LEO1: variants seen among roughly 807,000 people sequenced by gnomAD.
The protein encoded by LEO1 is RNA polymerase-associated protein LEO1.
LEO1 carries 34 observed loss-of-function variants against 80.4 expected under a neutral mutation model. The observed-to-expected ratio is 0.42, with a 90% CI of 0.32 to 0.56. LEO1 has a LOEUF of 0.56. LEO1 is among the 20% of genes least tolerant of loss of function. The pLI is 0.10. For missense variants in LEO1, 631 were observed against 814.2 expected (o/e 0.77, Z 2.74); for synonymous variants, 262 against 274.9 (o/e 0.95, Z 0.46).
chr15:51,967,399 G>A (rs117851038), intron 1 of LEO1, among the ~76,000 whole-genome samples: 3,604 of 152,224 alleles, frequency 0.024, 63 homozygotes, highest in Non-Finnish European at 0.038. Context: ...CTTGGATCCA[G>A]GAGGTGGAGG....
Position 51,962,119 on chromosome 15 carries a change from C to T in LEO1, c.919+270G>A, listed in dbSNP as rs546096212. On this transcript the variant is annotated intron_variant, in intron 3 of 11. Coordinates refer to ENST00000299601, the MANE Select transcript of LEO1 (RefSeq NM_138792.4). Reference sequence around the variant, plus strand: ...CAGCAGTTGCAATAAGCTGAGCTTGCACCACTGCACTCCAGCGTGGGTGAC... The same window carrying T: ...CAGCAGTTGCAATAAGCTGAGCTTGTACCACTGCACTCCAGCGTGGGTGAC... 6.0e-5 allele frequency among the ~76,000 whole-genome samples: 9 copies of T among 151,186 alleles called. No individual in the cohort carries two copies. In the South Asian group the frequency reaches 1.9e-3, roughly 32 times the overall value.
intron 6 of LEO1, among the ~76,000 whole-genome samples, chr15:51,956,380 A>G (rs898952140): frequency 3.7e-4 from 54 of 145,448 alleles, no homozygotes; most frequent in African/African-American, 1.3e-3. Flanking sequence ...AGATTGCGCC[A>G]CTGCATTCCA....
At chr15:51,947,420 C>CTTT (rs745399155) in intron 10 of LEO1, 31 bp from the exon 11 acceptor site, 8 of 1,191,064 alleles carry the variant, frequency 6.7e-6, no homozygotes, top group East Asian at 2.9e-5. Context: ...TGTGAGTCAC[C>CTTT]TTTTTTTTTT....
In LEO1 at chr15:51,971,692, A is replaced by T. The variant is rs758429948; in HGVS notation, c.54T>A (p.Arg18=). ...FGSDADSEAE[R]KDSDSGSDSD... Reference sequence around the variant, plus strand: ...TCCGAAGACCAGCGAACCCACCTTTACGCTCAGCTTCGCTGTCGGCGTCGC... The same window carrying T: ...TCCGAAGACCAGCGAACCCACCTTTTCGCTCAGCTTCGCTGTCGGCGTCGC... The change falls in exon 1 of 12, where the codon CGT becomes CGA. Residue 18 remains arginine (R), a synonymous_variant. Coordinates refer to ENST00000299601, the MANE Select transcript of LEO1 (RefSeq NM_138792.4). The T allele has an allele frequency of 1.2e-6, 2 of 1,613,960 alleles. No homozygotes were observed. Among genetic ancestry groups the T allele is most frequent in the East Asian group, 4.5e-5 (2 of 44,854 alleles).
intron 11 of LEO1, among the ~76,000 whole-genome samples, chr15:51,944,975 A>G (rs1000983904): frequency 3.3e-5 from 5 of 152,142 alleles, no homozygotes; most frequent in Non-Finnish European, 7.4e-5. Context: ...ACCTTGATCT[A>G]TAGATACCTG....
chr15:51,964,165 C>T (rs999741091), intron 2 of LEO1, among the ~76,000 whole-genome samples: 1 of 151,338 alleles, frequency 6.6e-6, no homozygotes, highest in African/African-American at 2.4e-5. Context: ...GAGATCATGC[C>T]ACTACACTCC....
chr15:51,962,528 G>A (rs1566886703), intron 2 of LEO1, 35 bp from the exon 3 acceptor site: 1 of 1,429,888 alleles, frequency 7.0e-7, no homozygotes, highest in Non-Finnish European at 9.8e-7. Flanking sequence ...TGCATAATCA[G>A]TCGCATTAGT....
chr15:51,959,751 A>G (rs1480534702), intron 5 of LEO1, 148 bp downstream of exon 5: 5 of 630,996 alleles, frequency 7.9e-6, no homozygotes, highest in Non-Finnish European at 2.6e-6. Flanking sequence ...TATTTTTTCT[A>G]TCTCAGGATG....
In LEO1 at chr15:51,966,419, A is replaced by C; in HGVS notation, c.144T>G (p.Asp48Glu). ...TTGGTTGTCCTGAATCACCTCTTTCATCCTGATCACTTTCACTTCCAGAGG... is the reference window on the plus strand; with the variant it reads ...TTGGTTGTCCTGAATCACCTCTTTCCTCCTGATCACTTTCACTTCCAGAGG... ...SNASGSESDQ[D>E]ERGDSGQPSN... Residue 48 changes from aspartate (D) to glutamate (E), a missense_variant, in exon 2 of 12, where the codon GAT becomes GAG. Physicochemically the swap from Asp to Glu is conservative, Grantham distance 45 (BLOSUM62 2). Coordinates refer to ENST00000299601, the MANE Select transcript of LEO1 (RefSeq NM_138792.4). The C allele has an allele frequency of 6.2e-7, 1 of 1,614,112 alleles. No homozygotes were observed. Among genetic ancestry groups the C allele is most frequent in the Non-Finnish European group, 8.5e-7 (1 of 1,179,980 alleles).
rs756802450 is a variant in LEO1, at chr15:51,947,241, TG to T, written c.1896+50del. The T allele has an allele frequency of 1.6e-5, 19 of 1,190,884 alleles. No homozygotes were observed. In the East Asian group the frequency reaches 2.1e-4, roughly 13 times the overall value. The allele number at this position is 1,190,884 out of a possible 1,614,324, so 73.8% of individuals were successfully genotyped here. The stretch of plus-strand genomic sequence containing the variant: ...CTGTGAGCTCTTCATTCAAAGCAGT[TG>T]GCTCCTGAGTACAGGATAAACCCCT... On this transcript the variant is annotated intron_variant, in intron 11 of 11. Coordinates refer to ENST00000299601, the MANE Select transcript of LEO1 (RefSeq NM_138792.4).
intron 2 of LEO1, among the ~76,000 whole-genome samples, chr15:51,964,101 G>A (rs947392115): frequency 9.9e-5 from 15 of 151,864 alleles, no homozygotes; most frequent in African/African-American, 3.6e-4. Context: ...AGCTACTCGG[G>A]AGGCTGAGGC....
chr15:51,965,791 G>A lies in LEO1; in HGVS notation c.772C>T (p.His258Tyr). 6.2e-7 allele frequency: 1 copy of A among 1,612,958 alleles called. No homozygotes were observed. The highest frequency in any genetic ancestry group is 8.5e-7 in the Non-Finnish European group (1 of 1,179,690). The change falls in exon 2 of 12, where the codon CAC becomes TAC. Residue 258 changes from histidine (H) to tyrosine (Y), a missense_variant. By Grantham distance (83) the His-to-Tyr change is moderately conservative. Transcript: ENST00000299601. ...TCCTCTTCATCATCTGAATGCCTGT[G>A]TTCTTCATCTGAGGCCTGTGGCCTT... The part of the protein sequence containing the change: ...DERPQASDEE[H>Y]RHSDDEEEQD...
chr15:51,967,092 T>G (rs1225599601), intron 1 of LEO1, among the ~76,000 whole-genome samples: 1 of 152,100 alleles, frequency 6.6e-6, no homozygotes, highest in East Asian at 1.9e-4. Context: ...GAACGGAGTC[T>G]AGAAGATTTA....
intron 11 of LEO1, among the ~76,000 whole-genome samples, chr15:51,943,893 T>C (rs117826192): frequency 1.3e-5 from 2 of 151,476 alleles, no homozygotes; most frequent in Non-Finnish European, 2.9e-5. Flanking sequence ...GCAGACTTGA[T>C]GGATCGACAG....
chr15:51,947,288 TTACC>T lies in LEO1; in HGVS notation c.1896_1896+3del. The stretch of plus-strand genomic sequence containing the variant: ...CCCCTAGAATTGAATAAATTTGGTC[TTACC>T]TCATCACTGGTAAGTTTCTTTGCTT... On this transcript the variant is annotated splice_donor_variant and splice_donor_region_variant and coding_sequence_variant and intron_variant, in exon 11 of 12. Coordinates refer to ENST00000299601, the MANE Select transcript of LEO1 (RefSeq NM_138792.4). LOFTEE classifies it high-confidence loss of function. 1 of 1,601,378 alleles carries T rather than the reference TTACC, an allele frequency of 6.2e-7. No individual in the cohort carries two copies. The highest frequency in any genetic ancestry group is 8.6e-7 in the Non-Finnish European group (1 of 1,168,444).
chr15:51,965,696 G>A, intron 2 of LEO1, 53 bp downstream of exon 2: 1 of 1,542,898 alleles, frequency 6.5e-7, no homozygotes, highest in East Asian at 2.3e-5. Flanking sequence ...ATGGGTCCCT[G>A]CTGTATCTGA....
chr15:51,962,805 T>C (rs2057041871), intron 2 of LEO1, among the ~76,000 whole-genome samples: 1 of 152,004 alleles, frequency 6.6e-6, no homozygotes. Context: ...AAGATACGAC[T>C]CAAAAGGGAT....
In LEO1 at chr15:51,960,051, A is replaced by G. The variant is rs769787284; in HGVS notation, c.1015-7T>C. 1 of 1,608,224 alleles carries G rather than the reference A, an allele frequency of 6.2e-7. No homozygotes were observed. Among genetic ancestry groups the G allele is most frequent in the Non-Finnish European group, 8.5e-7 (1 of 1,178,400 alleles). ...GAGGCAATCCATTTTCATCCTAGTG[A>G]AAGAATCGGAAGTTTGGAGCTTGAC... is the stretch of plus-strand genomic sequence containing the variant. On this transcript the variant is annotated splice_polypyrimidine_tract_variant and splice_region_variant and intron_variant, in intron 4 of 11. Coordinates refer to ENST00000299601, the MANE Select transcript of LEO1 (RefSeq NM_138792.4).
At chr15:51,964,558 A>C (rs1027329107) in intron 2 of LEO1, among the ~76,000 whole-genome samples, 1 of 151,792 alleles carries the variant, frequency 6.6e-6, no homozygotes, top group East Asian at 1.9e-4. Context: ...AAAAAAAAAA[A>C]AAAAACCTCT....
Sources: allele counts gnomAD v4.1 joint callset (sites outside exome capture counted in the v4.1 genomes callset), GRCh38; gene constraint gnomAD v4.1.1; transcripts MANE v1.5; gene names NCBI Gene and HGNC (gene_info 2026-07-23, HGNC 2026-07-21).